Variants in SESN2 observed in about 807,000 individuals in gnomAD.
SESN2 encodes sestrin-2.
Under a neutral mutation model 56.0 loss-of-function variants are expected in SESN2, and 42 were observed. The observed-to-expected ratio is 0.75, with a 90% CI of 0.59 to 0.97. The LOEUF (loss-of-function observed/expected upper bound fraction) is 0.97, where lower values mean the gene tolerates loss of function less well. Ranked by LOEUF, SESN2 falls within the 50% of genes least tolerant of loss-of-function variation. SESN2 has a pLI of 0.00. For missense variants in SESN2, 507 were observed against 649.4 expected, an observed-to-expected ratio of 0.78 and a Z score of 2.38; for synonymous variants, 264 against 267.1, an observed-to-expected ratio of 0.99 and a Z score of 0.11.
At chr1:28,264,811 GTGCTA>G (rs1647502462) in intron 1 of SESN2, among the ~76,000 whole-genome samples, 7 of 152,214 alleles carry the variant, frequency 4.6e-5, no homozygotes, top group Admixed American at 3.3e-4. Flanking sequence ...CTGTTGGACT[GTGCTA>G]TGCTAGGCAC....
chr1:28,264,088 G>T (rs1647476546), intron 1 of SESN2, among the ~76,000 whole-genome samples: 1 of 150,682 alleles, frequency 6.6e-6, no homozygotes, highest in Non-Finnish European at 1.5e-5. Flanking sequence ...AAAAGGCCAG[G>T]CACGGTGGCT....
chr1:28,272,581 G>T lies in SESN2; in HGVS notation c.538G>T (p.Ala180Ser). ...TGACCTCCCCCCTTGTCCCTTCCAG[G>T]CCTTGCTGAAGACCGGCGAGCACAC... The part of the protein sequence containing the change: ...PWLITKEHIQ[A>S]LLKTGEHTWS... The change falls in exon 5 of 10, where the codon GCC (alanine) becomes TCC (serine). Residue 180 changes from alanine to serine, a missense_variant and splice_region_variant. Transcript: ENST00000253063. 1 of 1,613,976 alleles carries T rather than the reference G, an allele frequency of 6.2e-7. No individual in the cohort carries two copies. Among genetic ancestry groups the T allele is most frequent in the Non-Finnish European group, 8.5e-7 (1 of 1,179,940 alleles).
intron 9 of SESN2, 115 bp downstream of exon 9, chr1:28,279,356 CA>C: frequency 2.0e-6 from 2 of 1,011,488 alleles, no homozygotes; most frequent in East Asian, 5.1e-5. Context: ...CTAGGTGGGA[CA>C]CCTGGGCCTA....
chr1:28,277,746 G>T (rs1042761699), intron 8 of SESN2, among the ~76,000 whole-genome samples: 3 of 152,146 alleles, frequency 2.0e-5, no homozygotes, highest in African/African-American at 7.2e-5. Context: ...CTTGTAGAAA[G>T]TTTGTGTTTC....
In SESN2 at chr1:28,259,896, C is replaced by T; in HGVS notation, c.49C>T (p.Arg17Trp). ...ECRAELKDYL[R>W]FAPGGVGDSG... ...CCGCGCAGAGCTCAAGGACTACCTG[C>T]GGTTCGCCCCGGGCGGCGTCGGCGA... Residue 17 changes from arginine to tryptophan, a missense_variant, in exon 1 of 10, where the codon CGG becomes TGG. Arg to Trp is a moderately radical substitution (Grantham distance 101). Coordinates refer to ENST00000253063, the MANE Select transcript of SESN2 (RefSeq NM_031459.5). 1.4e-6 allele frequency: 2 copies of T among 1,453,640 alleles called. No individual in the cohort carries two copies. Among genetic ancestry groups the T allele is most frequent in the Admixed American group, 5.2e-5 (2 of 38,700 alleles). 90.0% of individuals were successfully genotyped at this position (1,453,640 alleles called of 1,614,324 possible).
chr1:28,268,655 T>A (rs1355847403), intron 1 of SESN2, among the ~76,000 whole-genome samples: 9 of 143,020 alleles, frequency 6.3e-5, no homozygotes, highest in African/African-American at 2.4e-4. Flanking sequence ...ACAAGAGCGA[T>A]ACTCCGTCTC....
At chr1:28,265,416 G>A (rs1041343768) in intron 1 of SESN2, among the ~76,000 whole-genome samples, 2 of 152,042 alleles carry the variant, frequency 1.3e-5, no homozygotes, top group African/African-American at 2.4e-5. Flanking sequence ...GTTTTGAGAC[G>A]GAGTTTCACT....
chr1:28,264,469 T>C (rs1647490421), intron 1 of SESN2, among the ~76,000 whole-genome samples: 1 of 152,208 alleles, frequency 6.6e-6, no homozygotes, highest in South Asian at 2.1e-4. Context: ...GTGATCTGTT[T>C]AGTTGAAATT....
intron 2 of SESN2, 121 bp from the exon 3 acceptor site, chr1:28,271,553 T>A (rs938262603): frequency 1.5e-6 from 1 of 685,596 alleles, no homozygotes; most frequent in African/African-American, 1.8e-5. Context: ...CATTCTTTCT[T>A]TTTGGACACG....
chr1:28,279,170 G>A lies in SESN2; in HGVS notation c.1285G>A (p.Ala429Thr). 1.9e-6 allele frequency: 3 copies of A among 1,614,180 alleles called. No homozygotes were observed. The highest frequency in any genetic ancestry group is 2.5e-6 in the Non-Finnish European group (3 of 1,180,012). ...CCTCAAGGTCTATATCAAGACAGTGGCCTGCTACCCAGAGAAGACCACCCG... is the reference window on the plus strand; with the variant it reads ...CCTCAAGGTCTATATCAAGACAGTGACCTGCTACCCAGAGAAGACCACCCG... ...RNLKVYIKTV[A>T]CYPEKTTRRM... The change falls in exon 9 of 10, where the codon GCC (alanine) becomes ACC (threonine). Residue 429 changes from alanine (A) to threonine (T), a missense_variant. By Grantham distance (58) the Ala-to-Thr change is moderately conservative. Transcript: ENST00000253063.
Position 28,274,993 on chromosome 1 carries a change from A to G in SESN2, c.1189A>G (p.Ile397Val), listed in dbSNP as rs372928262. The change falls in exon 8 of 10, where the codon ATC (isoleucine) becomes GTC (valine). Residue 397 changes from isoleucine (I) to valine (V), a missense_variant. By Grantham distance (29) the Ile-to-Val change is conservative. Transcript: ENST00000253063. ...SVLRRAIWNY[I>V]HCVFGIRYDD... ...GCTCCGCAGGGCCATCTGGAACTAT[A>G]TCCACTGCGTCTTTGGCATCAGGTG... 6.2e-6 allele frequency: 10 copies of G among 1,613,558 alleles called. No homozygotes were observed. In the African/African-American group the frequency reaches 1.2e-4, roughly 19 times the overall value.
At chr1:28,279,018 T>A in intron 8 of SESN2, 79 bp from the exon 9 acceptor site, 1 of 1,427,416 alleles carries the variant, frequency 7.0e-7, no homozygotes. Context: ...TGTTCTTCCC[T>A]CTGTAGGGTG....
Position 28,272,343 on chromosome 1 carries a change from G to C in SESN2, c.414G>C (p.Gln138His). 1 of 1,614,112 alleles carries C rather than the reference G, an allele frequency of 6.2e-7. No homozygotes were observed. Residue 138 changes from glutamine to histidine, a missense_variant, in exon 4 of 10, where the codon CAG (glutamine) becomes CAC (histidine). Gln to His is a conservative substitution (Grantham distance 24). Transcript: ENST00000253063. ...LVGSHMAEFL[Q>H]TGGDPEWLLG... is the part of the protein sequence containing the mutation. ...GCTCCCACATGGCCGAGTTTCTGCA[G>C]ACTGGTGGTGACCCTGAGTGGCTGC...
intron 1 of SESN2, among the ~76,000 whole-genome samples, chr1:28,262,792 G>A (rs939879616): frequency 1.3e-5 from 2 of 151,870 alleles, no homozygotes; most frequent in South Asian, 2.1e-4. Context: ...ACCCTGCGTG[G>A]TGGCACACGC....
At position 28,259,589 on chromosome 1, in the gene SESN2, G is replaced by C; in HGVS notation, c.-259G>C. 2.5e-6 allele frequency: 1 copy of C among 393,078 alleles called. No individual in the cohort carries two copies. The allele number at this position is 393,078 out of a possible 1,614,324, so 24.3% of individuals were successfully genotyped here. A position where few individuals can be genotyped will look rare whatever the true frequency, so the allele number is the denominator to read the frequency against. On this transcript the variant is annotated 5_prime_UTR_variant, in exon 1 of 10. Transcript: ENST00000253063. ...GCAGCCCTGGCCCCTGCGGACTTCC[G>C]AGGCCGTGAAAACCCCTGCGCTGCG... is the stretch of plus-strand genomic sequence containing the variant.
At chr1:28,264,322 G>GA in intron 1 of SESN2, among the ~76,000 whole-genome samples, 1 of 150,558 alleles carries the variant, frequency 6.6e-6, no homozygotes, top group East Asian at 2.0e-4. Context: ...CCATCTCAAA[G>GA]AAAAAAAGAA....
At chr1:28,260,071 T>TACGC in intron 1 of SESN2, 134 bp downstream of exon 1, 1 of 600,770 alleles carries the variant, frequency 1.7e-6, no homozygotes, top group Non-Finnish European at 2.7e-6. Context: ...GGACCCGGGT[T>TACGC]GCATCAACTG....
chr1:28,273,501 C>T lies in SESN2; in HGVS notation c.894C>T (p.Thr298=). 1.2e-6 allele frequency: 2 copies of T among 1,604,346 alleles called. No homozygotes were observed. Among genetic ancestry groups the T allele is most frequent in the South Asian group, 2.2e-5 (2 of 89,832 alleles). Residue 298 remains threonine (T), a synonymous_variant, in exon 6 of 10, where the codon ACC becomes ACT. Transcript: ENST00000253063. Reference sequence around the variant, plus strand: ...AGAAGTCAGAGAGCCTGCTGGTGACCCCCTCAGGTACAGGGTCACAGGCAT... The same window carrying T: ...AGAAGTCAGAGAGCCTGCTGGTGACTCCCTCAGGTACAGGGTCACAGGCAT... ...ELEKSESLLV[T]PSADILEPSP...
intron 8 of SESN2, among the ~76,000 whole-genome samples, chr1:28,278,304 C>T (rs1648119807): frequency 6.6e-6 from 1 of 152,202 alleles, no homozygotes; most frequent in Admixed American, 6.5e-5. Flanking sequence ...CGTGGTGGCT[C>T]ACGCCTGTAA....
Sources: gnomAD v4.1 joint callset for allele counts (sites outside exome capture counted in the v4.1 genomes callset) on GRCh38, gnomAD v4.1.1 for gene constraint, MANE v1.5 for transcripts, NCBI Gene and HGNC (gene_info 2026-07-23, HGNC 2026-07-21) for gene names.